The following ANKRD6 variants were observed in gnomAD, a reference collection of about 807,000 sequenced individuals.
The protein encoded by ANKRD6 is ankyrin repeat domain-containing protein 6.
A neutral mutation model predicts 82.3 loss-of-function variants in ANKRD6; 56 were observed. The ratio of observed to expected loss-of-function variants is 0.68; its 90% CI spans 0.55 to 0.85. The LOEUF is 0.85. Ranked by LOEUF, ANKRD6 falls within the 40% of genes least tolerant of loss-of-function variation. The pLI is 0.00. For missense variants in ANKRD6, 852 were observed against 907.6 expected, an observed-to-expected ratio of 0.94 and a Z score of 0.79; for synonymous variants, 347 against 352.1, an observed-to-expected ratio of 0.99 and a Z score of 0.16.
At position 89,496,175 on chromosome 6, in the gene ANKRD6, TG is replaced by T. The variant is rs1183695089; in HGVS notation, c.-144+62801del. On this transcript the variant is annotated intron_variant, in intron 1 of 15. Coordinates refer to ENST00000339746, the MANE Select transcript of ANKRD6 (RefSeq NM_001242809.2). ...GGGATTAGCAAGCTTTTTTCCACAC[TG>T]CCCCCCCCCCCACCATAATTAAAGT... Among the ~76,000 whole-genome samples, 8 of 147,756 alleles carry T rather than the reference TG, an allele frequency of 5.4e-5. No individual in the cohort carries two copies. In the East Asian group the frequency reaches 1.6e-3, roughly 30 times the overall value.
At chr6:89,493,755 G>A (rs1160085451) in intron 1 of ANKRD6, among the ~76,000 whole-genome samples, 2 of 152,018 alleles carry the variant, frequency 1.3e-5, no homozygotes, top group Admixed American at 6.6e-5. Context: ...TGCATTTAGG[G>A]CCCACTGTGA....
intron 3 of ANKRD6, 45 bp downstream of exon 3, chr6:89,596,059 G>A (rs371588927): frequency 3.5e-5 from 53 of 1,524,234 alleles, no homozygotes; most frequent in Non-Finnish European, 4.5e-5. Flanking sequence ...GGCAGGGGAG[G>A]TTTTCTGGCT....
At chr6:89,629,299 C>G in intron 15 of ANKRD6, 61 bp downstream of exon 15, 1 of 1,605,682 alleles carries the variant, frequency 6.2e-7, no homozygotes, top group Non-Finnish European at 8.5e-7. Context: ...CTCTTGTACT[C>G]TCCTGCACTG....
chr6:89,630,360 A>C, intron 15 of ANKRD6, 73 bp from the exon 16 acceptor site: 1 of 1,522,148 alleles, frequency 6.6e-7, no homozygotes, highest in Non-Finnish European at 8.8e-7. Flanking sequence ...TAAGACTCTA[A>C]AATACTGACC....
chr6:89,619,841 C>G (rs1802558580), intron 9 of ANKRD6: 1 of 152,132 alleles, frequency 6.6e-6, no homozygotes, highest in Non-Finnish European at 1.5e-5. Context: ...CACAGCAGTA[C>G]TAAGAGGATA....
At chr6:89,486,387 C>T (rs77027860) in intron 1 of ANKRD6, among the ~76,000 whole-genome samples, 5,694 of 152,050 alleles carry the variant, frequency 0.037, 259 homozygotes, top group East Asian at 0.22. Context: ...TATGTAAGTA[C>T]ACTCTATGAT....
At chr6:89,451,041 C>T (rs753204887) in intron 1 of ANKRD6, among the ~76,000 whole-genome samples, 3 of 152,190 alleles carry the variant, frequency 2.0e-5, no homozygotes, top group East Asian at 1.9e-4. Flanking sequence ...GGTGCCATGG[C>T]TAACGCCTGT....
At chr6:89,582,886 A>T (rs753972520) in intron 2 of ANKRD6, among the ~76,000 whole-genome samples, 42 of 152,324 alleles carry the variant, frequency 2.8e-4, no homozygotes, top group Admixed American at 1.3e-3. Context: ...AAGTGCTTAG[A>T]ACAGTGTAAT....
At chr6:89,540,239 C>A (rs1784309311) in intron 1 of ANKRD6, among the ~76,000 whole-genome samples, 1 of 152,188 alleles carries the variant, frequency 6.6e-6, no homozygotes, top group Non-Finnish European at 1.5e-5. Flanking sequence ...TACTAACTTA[C>A]ATTCCCACCA....
chr6:89,572,087 CT>C (rs964721578), intron 2 of ANKRD6, among the ~76,000 whole-genome samples: 2 of 152,154 alleles, frequency 1.3e-5, no homozygotes, highest in Non-Finnish European at 2.9e-5. Flanking sequence ...TCTTCCATGT[CT>C]TTTCATGGCT....
chr6:89,507,276 G>A (rs576839499), intron 1 of ANKRD6, among the ~76,000 whole-genome samples: 98 of 152,200 alleles, frequency 6.4e-4, no homozygotes, highest in African/African-American at 2.2e-3. Flanking sequence ...CATTATTTAT[G>A]TAAAAATATA....
At chr6:89,577,702 A>G (rs1257321952) in intron 2 of ANKRD6, among the ~76,000 whole-genome samples, 1 of 152,204 alleles carries the variant, frequency 6.6e-6, no homozygotes, top group Non-Finnish European at 1.5e-5. Context: ...CTATAGTCCT[A>G]GCTACATAGG....
chr6:89,439,532 T>C (rs1460738223), intron 1 of ANKRD6, among the ~76,000 whole-genome samples: 1 of 152,168 alleles, frequency 6.6e-6, no homozygotes, highest in East Asian at 1.9e-4. Flanking sequence ...TACAAGATCA[T>C]GTGAAAGATC....
At position 89,567,024 on chromosome 6, in the gene ANKRD6, A is replaced by G. The variant is rs1287706835; in HGVS notation, c.48A>G (p.Val16=). The G allele has an allele frequency of 1.9e-6, 3 of 1,606,814 alleles. No individual in the cohort carries two copies. The highest frequency in any genetic ancestry group is 2.2e-5 in the South Asian group (2 of 89,178). The change falls in exon 2 of 16, where the codon GTA becomes GTG. Residue 16 remains valine (V), a synonymous_variant. Transcript: ENST00000339746. ...CTGCACTTTCAGAGCGCCTTCTCGT[A>G]GCTGCGTACAAAGGCCAAACAGAGA... is the stretch of plus-strand genomic sequence containing the variant. ...AVAALSERLL[V]AAYKGQTENV... is the part of the protein sequence containing the mutation.
At chr6:89,603,390 G>C (rs1434421507) in intron 4 of ANKRD6, among the ~76,000 whole-genome samples, 1 of 138,132 alleles carries the variant, frequency 7.2e-6, no homozygotes, top group Non-Finnish European at 1.5e-5. Context: ...GCAATGGCAT[G>C]ATCATAGCTC....
At chr6:89,464,661 T>G (rs1489174001) in intron 1 of ANKRD6, among the ~76,000 whole-genome samples, 1 of 152,236 alleles carries the variant, frequency 6.6e-6, no homozygotes, top group African/African-American at 2.4e-5. Context: ...GTAACTTCCT[T>G]AGGGGAAAAT....
intron 3 of ANKRD6, among the ~76,000 whole-genome samples, chr6:89,599,653 ATTGT>A (rs66490123): frequency 0.66 from 99,597 of 151,586 alleles, 34,832 homozygotes; most frequent in Non-Finnish European, 0.79. Flanking sequence ...AAGGTACTAA[ATTGT>A]TTGTGTTGTA....
chr6:89,476,391 G>A (rs1776040953), intron 1 of ANKRD6, among the ~76,000 whole-genome samples: 1 of 152,104 alleles, frequency 6.6e-6, no homozygotes, highest in Non-Finnish European at 1.5e-5. Flanking sequence ...ATTTCGCCAT[G>A]TTGGCCAGGC....
intron 1 of ANKRD6, among the ~76,000 whole-genome samples, chr6:89,519,342 A>G (rs1305296654): frequency 3.9e-5 from 6 of 152,234 alleles, no homozygotes. Context: ...GCTAAGACAC[A>G]ATACCAGTTG....
Sources: allele counts gnomAD v4.1 joint callset (sites outside exome capture counted in the v4.1 genomes callset), GRCh38; gene constraint gnomAD v4.1.1; transcripts MANE v1.5; gene names NCBI Gene and HGNC (gene_info 2026-07-23, HGNC 2026-07-21).